Variants in RASAL2 observed in about 807,000 individuals in gnomAD.
RASAL2 encodes ras GTPase-activating protein nGAP.
In RASAL2, 58 loss-of-function variants were observed where a neutral mutation model predicts 128.9. That is an observed-to-expected ratio of 0.45 (90% CI 0.36 to 0.56). RASAL2 has a LOEUF of 0.56. RASAL2 is among the 20% of genes least tolerant of loss of function. The pLI is 0.00. For missense variants in RASAL2, 1,360 were observed against 1,601.6 expected (o/e 0.85, Z 2.57); for synonymous variants, 561 against 580.8 (o/e 0.97, Z 0.49).
intron 3 of RASAL2, among the ~76,000 whole-genome samples, chr1:178,329,693 G>A (rs539919992): frequency 3.3e-5 from 5 of 152,216 alleles, no homozygotes; most frequent in Non-Finnish European, 5.9e-5. Flanking sequence ...CCAAGCTAAT[G>A]TATCTGTCAA....
intron 1 of RASAL2, among the ~76,000 whole-genome samples, chr1:178,197,221 G>A (rs1233205386): frequency 6.6e-6 from 1 of 152,116 alleles, no homozygotes; most frequent in Non-Finnish European, 1.5e-5. Flanking sequence ...ACTTTGGGGG[G>A]CCGAGGCAGG....
chr1:178,461,813 A>G (rs1057062522), intron 14 of RASAL2, among the ~76,000 whole-genome samples: 2 of 152,210 alleles, frequency 1.3e-5, no homozygotes, highest in African/African-American at 4.8e-5. Flanking sequence ...TGGGAATCCG[A>G]CTATTTCACA....
At chr1:178,142,983 G>C (rs895993376) in intron 1 of RASAL2, among the ~76,000 whole-genome samples, 2 of 151,900 alleles carry the variant, frequency 1.3e-5, no homozygotes, top group African/African-American at 4.8e-5. Flanking sequence ...AAGGAGCTTA[G>C]TGATAAGGCA....
intron 1 of RASAL2, among the ~76,000 whole-genome samples, chr1:178,277,004 C>G (rs1666547646): frequency 6.6e-6 from 1 of 151,564 alleles, no homozygotes; most frequent in South Asian, 2.1e-4. Context: ...AAAAATTAGC[C>G]AGGTGTGGTG....
chr1:178,285,923 C>T (rs147541442), intron 2 of RASAL2, among the ~76,000 whole-genome samples: 206 of 152,306 alleles, frequency 1.4e-3, no homozygotes, highest in African/African-American at 4.7e-3. Context: ...GAGTTACCTG[C>T]GCTTGGGCCA....
At chr1:178,242,766 C>T (rs1664574794) in intron 1 of RASAL2, among the ~76,000 whole-genome samples, 2 of 152,114 alleles carry the variant, frequency 1.3e-5, no homozygotes, top group South Asian at 4.1e-4. Flanking sequence ...CTTACTCTGC[C>T]ACCCAGGCTG....
chr1:178,462,428 T>C (rs1476665704), intron 14 of RASAL2, among the ~76,000 whole-genome samples: 2 of 152,132 alleles, frequency 1.3e-5, no homozygotes, highest in Non-Finnish European at 2.9e-5. Context: ...GCCCATTAGA[T>C]TGACTAATTG....
At chr1:178,118,443 G>C (rs1011491000) in intron 1 of RASAL2, among the ~76,000 whole-genome samples, 1 of 152,110 alleles carries the variant, frequency 6.6e-6, no homozygotes, top group African/African-American at 2.4e-5. Flanking sequence ...TCTCATCTGG[G>C]GGTGATGGGA....
chr1:178,231,124 CCTTTCCCTGGTGCTGG>C (rs1303382793), intron 1 of RASAL2, among the ~76,000 whole-genome samples: 1 of 152,108 alleles, frequency 6.6e-6, no homozygotes, highest in African/African-American at 2.4e-5. Flanking sequence ...TGGGAAACTG[CCTTTCCCTGGTGCTGG>C]CTGCAACCAA....
chr1:178,139,660 G>A (rs1305715493), intron 1 of RASAL2, among the ~76,000 whole-genome samples: 1 of 151,718 alleles, frequency 6.6e-6, no homozygotes, highest in Non-Finnish European at 1.5e-5. Context: ...TTATTTATTG[G>A]TACTATACCA....
At chr1:178,188,285 C>T (rs1161336479) in intron 1 of RASAL2, among the ~76,000 whole-genome samples, 1 of 152,112 alleles carries the variant, frequency 6.6e-6, no homozygotes, top group Non-Finnish European at 1.5e-5. Context: ...TTTCTGTTTC[C>T]TCAAATTCAT....
At chr1:178,353,040 A>G (rs1441089757) in intron 3 of RASAL2, among the ~76,000 whole-genome samples, 2 of 152,222 alleles carry the variant, frequency 1.3e-5, no homozygotes, top group African/African-American at 4.8e-5. Context: ...AAGGTCTCAG[A>G]AATGCCTGCA....
chr1:178,216,342 G>A (rs769782154), intron 1 of RASAL2, among the ~76,000 whole-genome samples: 8 of 152,166 alleles, frequency 5.3e-5, no homozygotes, highest in Non-Finnish European at 1.2e-4. Flanking sequence ...AGCCAGAGAA[G>A]AAATTTGTGA....
At chr1:178,307,045 A>G (rs1009110190) in intron 3 of RASAL2, among the ~76,000 whole-genome samples, 3 of 151,958 alleles carry the variant, frequency 2.0e-5, no homozygotes, top group Non-Finnish European at 4.4e-5. Context: ...CACGAAAAAG[A>G]TGTTCTAAAT....
intron 1 of RASAL2, among the ~76,000 whole-genome samples, chr1:178,138,541 G>A (rs969307963): frequency 6.6e-5 from 10 of 152,016 alleles, no homozygotes; most frequent in South Asian, 4.2e-4. Flanking sequence ...AACCTTGAAC[G>A]AGCTGTATAA....
intron 1 of RASAL2, among the ~76,000 whole-genome samples, chr1:178,109,121 A>C (rs1312099899): frequency 6.6e-6 from 1 of 152,224 alleles, no homozygotes; most frequent in Admixed American, 6.5e-5. Context: ...TATTTACTCC[A>C]GGATTTATTC....
chr1:178,324,288 C>T (rs77737930), intron 3 of RASAL2, among the ~76,000 whole-genome samples: 10,056 of 152,066 alleles, frequency 0.066, 1,068 homozygotes, highest in African/African-American at 0.22. Flanking sequence ...GTCATAGTAG[C>T]TCACTTCTGT....
intron 1 of RASAL2, among the ~76,000 whole-genome samples, chr1:178,276,884 C>T (rs1267112554): frequency 6.6e-6 from 1 of 151,936 alleles, no homozygotes; most frequent in Admixed American, 6.6e-5. Flanking sequence ...CACAGTGGCT[C>T]ATGCCTGTAA....
chr1:178,404,854 G>A (rs1163553151), intron 4 of RASAL2, among the ~76,000 whole-genome samples: 1 of 151,346 alleles, frequency 6.6e-6, no homozygotes, highest in South Asian at 2.1e-4. Flanking sequence ...GCTAATTTCT[G>A]TATTGTTTGT....
Sources: allele counts gnomAD v4.1 joint callset (sites outside exome capture counted in the v4.1 genomes callset), GRCh38; gene constraint gnomAD v4.1.1; transcripts MANE v1.5; gene names NCBI Gene and HGNC (gene_info 2026-07-23, HGNC 2026-07-21).